ACVR2B: variants seen among roughly 807,000 people sequenced by gnomAD.
ACVR2B encodes the protein activin receptor type-2B.
In ACVR2B, 18 loss-of-function variants were observed where a neutral mutation model predicts 65.1. That is an observed-to-expected ratio of 0.28 (90% CI 0.19 to 0.41). The LOEUF is 0.41. Ranked by LOEUF, ACVR2B falls within the 10% of genes least tolerant of loss-of-function variation. The pLI, the probability that ACVR2B is intolerant of heterozygous loss-of-function variation, is 1.00. For synonymous variants in ACVR2B, 298 were observed against 277.7 expected, an observed-to-expected ratio of 1.07 and a Z score of -0.73; for missense variants, 482 against 682.7, an observed-to-expected ratio of 0.71 and a Z score of 3.28.
Position 38,482,342 on chromosome 3 carries a change from T to A in ACVR2B, c.1213+6T>A. 6.2e-7 allele frequency: 1 copy of A among 1,610,534 alleles called. No individual in the cohort carries two copies. The highest frequency in any genetic ancestry group is 1.1e-5 in the South Asian group (1 of 90,700). The stretch of plus-strand genomic sequence containing the variant: ...TCGCTGCAAGGCTGCAGACGGTAAG[T>A]AGGATGGCAGCCCTGGGCATCCTAG... On this transcript the variant is annotated splice_donor_region_variant and intron_variant, in intron 9 of 10. Coordinates refer to ENST00000352511, the MANE Select transcript of ACVR2B (RefSeq NM_001106.4).
intron 1 of ACVR2B, among the ~76,000 whole-genome samples, chr3:38,469,447 T>C (rs1423533332): frequency 6.6e-6 from 1 of 152,102 alleles, no homozygotes; most frequent in East Asian, 1.9e-4. Context: ...TCAGTAAAAA[T>C]GTGGGCCAGA....
In ACVR2B at chr3:38,481,258, C is replaced by A; in HGVS notation, c.960-93C>A. ...AGGGTGGGATGGCCTGGTCTGGGGC[C>A]TGACTCTAGGGCACAGACTCTAGTA... On this transcript the variant is annotated intron_variant, in intron 7 of 10. Coordinates refer to ENST00000352511, the MANE Select transcript of ACVR2B (RefSeq NM_001106.4). The surrounding 1 kb of genome is among the most constrained non-coding windows in gnomAD (Gnocchi z 4.7). 9.0e-7 allele frequency: 1 copy of A among 1,116,918 alleles called. No homozygotes were observed. Among genetic ancestry groups the A allele is most frequent in the Non-Finnish European group, 1.4e-6 (1 of 732,166 alleles). 69.2% of individuals were successfully genotyped at this position (1,116,918 alleles called of 1,614,324 possible).
chr3:38,478,050 G>C (rs1255837904), intron 3 of ACVR2B, 80 bp downstream of exon 3: 1 of 1,595,716 alleles, frequency 6.3e-7, no homozygotes. Context: ...CTCCTCAGTT[G>C]GGTGGGGTGT....
chr3:38,478,575 A>G, intron 5 of ACVR2B, 57 bp downstream of exon 5: 7 of 1,612,126 alleles, frequency 4.3e-6, no homozygotes, highest in Non-Finnish European at 5.9e-6. Flanking sequence ...CTTGAACTGG[A>G]GGCTCTCCTG....
In ACVR2B at chr3:38,477,231, G is replaced by A; in HGVS notation, c.53-56G>A. The A allele has an allele frequency of 6.2e-7, 1 of 1,601,920 alleles. No homozygotes were observed. Among genetic ancestry groups the A allele is most frequent in the Non-Finnish European group, 8.5e-7 (1 of 1,172,154 alleles). On this transcript the variant is annotated intron_variant, in intron 1 of 10. Transcript: ENST00000352511. This position sits in a 1 kb window ranked among gnomAD's most constrained non-coding sequence, Gnocchi z 6.7. ...CTGGCACCCAGGACTGGGAGTAGGG[G>A]TTTGGGTGGTGGTCCCAGGGGCATG...
Position 38,491,825 on chromosome 3 carries a change from A to AG in ACVR2B, c.*8496dup, listed in dbSNP as rs2059812466. ...AAAGTTGAGTGGTACTTCAGAATTGAGGGAGAGGGTTACCGCAGAGTAGAA... is the reference window on the plus strand; with the variant it reads ...AAAGTTGAGTGGTACTTCAGAATTGAGGGGAGAGGGTTACCGCAGAGTAGAA... On this transcript the variant is annotated 3_prime_UTR_variant, in exon 11 of 11. Coordinates refer to ENST00000352511, the MANE Select transcript of ACVR2B (RefSeq NM_001106.4). The AG allele has an allele frequency of 6.6e-6, 1 of 152,108 alleles. No homozygotes were observed. The highest frequency in any genetic ancestry group is 2.4e-5 in the African/African-American group (1 of 41,406). 9.4% of individuals were successfully genotyped at this position (152,108 alleles called of 1,614,324 possible). A position where few individuals can be genotyped will look rare whatever the true frequency, so the allele number is the denominator to read the frequency against.
In ACVR2B at chr3:38,482,479, C is replaced by T. The variant is rs749494825; in HGVS notation, c.1263C>T (p.His421=). 3 of 1,612,954 alleles carry T rather than the reference C, an allele frequency of 1.9e-6. No homozygotes were observed. The highest frequency in any genetic ancestry group is 2.2e-5 in the South Asian group (2 of 90,902). ...CCTTTGAGGAAGAGATTGGCCAGCA[C>T]CCTTCGTTGGAGGAGCTGCAGGAGG... ...MLPFEEEIGQ[H]PSLEELQEVV... Residue 421 remains histidine (H), a synonymous_variant, in exon 10 of 11, where the codon CAC becomes CAT. Transcript: ENST00000352511.
chr3:38,454,005 C>G lies in ACVR2B; in HGVS notation c.-318C>G, dbSNP rs1189093023. The G allele has an allele frequency of 6.9e-6, 1 of 145,466 alleles. No individual in the cohort carries two copies. Among genetic ancestry groups the G allele is most frequent in the Non-Finnish European group, 1.5e-5 (1 of 64,786 alleles). The allele number at this position is 145,466 out of a possible 1,614,324, so 9.0% of individuals were successfully genotyped here. ...GGACTCGGCCCCTGCGCCCGGGGCCCGGGCCCAGCCCCGCCGCGCTATGCC... is the reference window on the plus strand; with the variant it reads ...GGACTCGGCCCCTGCGCCCGGGGCCGGGGCCCAGCCCCGCCGCGCTATGCC... On this transcript the variant is annotated 5_prime_UTR_variant, in exon 1 of 11. Coordinates refer to ENST00000352511, the MANE Select transcript of ACVR2B (RefSeq NM_001106.4).
chr3:38,481,226 C>T lies in ACVR2B; in HGVS notation c.960-125C>T. 2 of 823,748 alleles carry T rather than the reference C, an allele frequency of 2.4e-6. No individual in the cohort carries two copies. Among genetic ancestry groups the T allele is most frequent in the South Asian group, 2.7e-5 (2 of 74,740 alleles). The allele number at this position is 823,748 out of a possible 1,614,324, so 51.0% of individuals were successfully genotyped here. On this transcript the variant is annotated intron_variant, in intron 7 of 10. Transcript: ENST00000352511. This position sits in a 1 kb window ranked among gnomAD's most constrained non-coding sequence, Gnocchi z 4.7. ...TGCTTGTGCTGCTTCACCTCTGCAC[C>T]CCAGGTAGGGTGGGATGGCCTGGTC...
At chr3:38,480,334 C>A (rs1471628639) in intron 7 of ACVR2B, among the ~76,000 whole-genome samples, 1 of 152,130 alleles carries the variant, frequency 6.6e-6, no homozygotes, top group East Asian at 1.9e-4. Context: ...TCTTAGAGAT[C>A]TTCTGGGGTC....
In ACVR2B at chr3:38,492,336, T is replaced by C. The variant is rs1308083246; in HGVS notation, c.*9004T>C. 1 of 152,624 alleles carries C rather than the reference T, an allele frequency of 6.6e-6. No individual in the cohort carries two copies. The allele number at this position is 152,624 out of a possible 1,614,324, so 9.5% of individuals were successfully genotyped here. On this transcript the variant is annotated 3_prime_UTR_variant, in exon 11 of 11. Coordinates refer to ENST00000352511, the MANE Select transcript of ACVR2B (RefSeq NM_001106.4). ...ATTGAGCTGTGTTACCTAACTTGTA[T>C]ATAAAAATTGTAATTAAAAGTTTGG...
rs966762646 is a variant in ACVR2B, at chr3:38,486,374, A to T, written c.*3042A>T. 10 of 152,266 alleles carry T rather than the reference A, an allele frequency of 6.6e-5. No homozygotes were observed. The highest frequency in any genetic ancestry group is 2.2e-4 in the African/African-American group (9 of 41,434). The allele number at this position is 152,266 out of a possible 1,614,324, so 9.4% of individuals were successfully genotyped here. ...AGAAGAAGGTGGGGGATCTCCTTATAGGGCATGGGTCTAGGAGCACAGATG... is the reference window on the plus strand; with the variant it reads ...AGAAGAAGGTGGGGGATCTCCTTATTGGGCATGGGTCTAGGAGCACAGATG... On this transcript the variant is annotated 3_prime_UTR_variant, in exon 11 of 11. Coordinates refer to ENST00000352511, the MANE Select transcript of ACVR2B (RefSeq NM_001106.4).
chr3:38,470,126 A>G (rs149500057), intron 1 of ACVR2B, among the ~76,000 whole-genome samples: 2 of 152,298 alleles, frequency 1.3e-5, no homozygotes, highest in East Asian at 1.9e-4. Context: ...AAGGTCTAAT[A>G]TGCTTATAAT....
chr3:38,454,420 C>T (rs1709505683), intron 1 of ACVR2B, 46 bp downstream of exon 1: 9 of 1,230,778 alleles, frequency 7.3e-6, no homozygotes, highest in Non-Finnish European at 9.1e-6. Flanking sequence ...GCGCGCGGGG[C>T]TGGCCTCTGG....
chr3:38,455,887 C>T (rs1411320892), intron 1 of ACVR2B, among the ~76,000 whole-genome samples: 1 of 152,196 alleles, frequency 6.6e-6, no homozygotes, highest in Admixed American at 6.5e-5. Flanking sequence ...AGGCAGACCG[C>T]AGCCCACCTG....
rs1710156679 is a variant in ACVR2B, at chr3:38,488,346, G to A, written c.*5014G>A. ...GATTTGCAACCAGCAGTCTACCTAT[G>A]AATGTATCCCAAACCTTTAGAAGAT... On this transcript the variant is annotated 3_prime_UTR_variant, in exon 11 of 11. Coordinates refer to ENST00000352511, the MANE Select transcript of ACVR2B (RefSeq NM_001106.4). 1 of 152,164 alleles carries A rather than the reference G, an allele frequency of 6.6e-6. No homozygotes were observed. Among genetic ancestry groups the A allele is most frequent in the Non-Finnish European group, 1.5e-5 (1 of 68,032 alleles). The allele number at this position is 152,164 out of a possible 1,614,324, so 9.4% of individuals were successfully genotyped here. A position where few individuals can be genotyped will look rare whatever the true frequency, so the allele number is the denominator to read the frequency against.
rs1710083161 is a variant in ACVR2B at position 38,484,639 on chromosome 3, T to C, written c.*1307T>C. The C allele has an allele frequency of 6.6e-6, 1 of 152,580 alleles. No homozygotes were observed. The highest frequency in any genetic ancestry group is 1.5e-5 in the Non-Finnish European group (1 of 68,032). 9.5% of individuals were successfully genotyped at this position (152,580 alleles called of 1,614,324 possible). On this transcript the variant is annotated 3_prime_UTR_variant, in exon 11 of 11. Transcript: ENST00000352511. ...TGCTGTTTCAACATTTGAATTCTTT[T>C]TAATTTATGAAACATGCTAAATTTT...
At chr3:38,466,585 C>A (rs1207666221) in intron 1 of ACVR2B, among the ~76,000 whole-genome samples, 1 of 150,866 alleles carries the variant, frequency 6.6e-6, no homozygotes, top group Admixed American at 6.6e-5. Flanking sequence ...CTCACTGCAA[C>A]CTCCGCCTCC....
Position 38,454,358 on chromosome 3 carries a change from G to T in ACVR2B, c.36G>T (p.Trp12Cys). The T allele has an allele frequency of 7.8e-7, 1 of 1,286,728 alleles. No homozygotes were observed. Among genetic ancestry groups the T allele is most frequent in the Non-Finnish European group, 9.8e-7 (1 of 1,018,684 alleles). 79.7% of individuals were successfully genotyped at this position (1,286,728 alleles called of 1,614,324 possible). The stretch of plus-strand genomic sequence containing the variant: ...CCTGGGTGGCCCTCGCCCTCCTCTG[G>T]GGATCGCTGTGCGCCGGTAAGAACT... ...TAPWVALALL[W>C]GSLCAGSGRG... The change falls in exon 1 of 11, where the codon TGG becomes TGT. Residue 12 changes from tryptophan to cysteine, a missense_variant. Physicochemically the swap from Trp to Cys is radical, Grantham distance 215 (BLOSUM62 -2). Transcript: ENST00000352511.
Sources: allele counts gnomAD v4.1 joint callset (sites outside exome capture counted in the v4.1 genomes callset), GRCh38; gene constraint gnomAD v4.1.1; non-coding constraint Gnocchi (gnomAD v3.1); transcripts MANE v1.5; gene names NCBI Gene and HGNC (gene_info 2026-07-23, HGNC 2026-07-21).